SH2D4A: variants seen among roughly 807,000 people sequenced by gnomAD.
SH2D4A encodes SH2 domain containing 4A.
A neutral mutation model predicts 64.7 loss-of-function variants in SH2D4A; 70 were observed. The ratio of observed to expected loss-of-function variants is 1.08; its 90% CI spans 0.89 to 1.32. The LOEUF (loss-of-function observed/expected upper bound fraction) is 1.32, where lower values mean the gene tolerates loss of function less well. Among genes scored for constraint, SH2D4A ranks in the 40% most tolerant of loss-of-function variants. SH2D4A has a pLI of 0.00. For synonymous variants in SH2D4A, 268 were observed against 200.7 expected (o/e 1.34, Z -2.83); for missense variants, 706 against 540.1 (o/e 1.31, Z -3.04).
At chr8:19,380,080 G>T (rs532349481) in intron 8 of SH2D4A, among the ~76,000 whole-genome samples, 1 of 152,236 alleles carries the variant, frequency 6.6e-6, no homozygotes, top group East Asian at 1.9e-4. Flanking sequence ...CCTAGTGGGT[G>T]TGAGGTCATA....
At chr8:19,354,923 C>A (rs1026758789) in intron 4 of SH2D4A, among the ~76,000 whole-genome samples, 2 of 152,172 alleles carry the variant, frequency 1.3e-5, no homozygotes, top group Non-Finnish European at 2.9e-5. Context: ...GTGCTGCGGA[C>A]AAAACCTTGG....
intron 2 of SH2D4A, among the ~76,000 whole-genome samples, chr8:19,324,688 C>T (rs1304788001): frequency 6.6e-6 from 1 of 152,150 alleles, no homozygotes; most frequent in African/African-American, 2.4e-5. Context: ...CCAGGGGGTG[C>T]CTCACACTGC....
At chr8:19,392,589 T>A (rs2053509924) in intron 8 of SH2D4A, among the ~76,000 whole-genome samples, 1 of 152,132 alleles carries the variant, frequency 6.6e-6, no homozygotes, top group South Asian at 2.1e-4. Flanking sequence ...GTTGGTAAAC[T>A]GAGGTAGCCT....
chr8:19,353,213 C>A (rs1333285594), intron 4 of SH2D4A, among the ~76,000 whole-genome samples: 2 of 152,012 alleles, frequency 1.3e-5, no homozygotes, highest in East Asian at 3.9e-4. Context: ...TGGGTCATAG[C>A]AGCATATGGA....
chr8:19,339,464 T>C (rs1205606190), intron 4 of SH2D4A, among the ~76,000 whole-genome samples: 2 of 151,936 alleles, frequency 1.3e-5, no homozygotes, highest in Non-Finnish European at 2.9e-5. Flanking sequence ...AGATATTTAG[T>C]TAGCTCACTT....
intron 8 of SH2D4A, among the ~76,000 whole-genome samples, chr8:19,374,564 A>C (rs2153650205): frequency 6.6e-6 from 1 of 152,340 alleles, no homozygotes; most frequent in South Asian, 2.1e-4. Context: ...TCCCAAACAC[A>C]TATCATGGGA....
At position 19,326,202 on chromosome 8, in the gene SH2D4A, T is replaced by C. The variant is rs140228189; in HGVS notation, c.181+6474T>C. 8.3e-4 allele frequency among the ~76,000 whole-genome samples: 126 copies of C among 152,350 alleles called. 3 individuals carry two copies. Among genetic ancestry groups the C allele is most frequent in the African/African-American group, 2.8e-3 (118 of 41,594 alleles). The stretch of plus-strand genomic sequence containing the variant: ...TTATTTAACTTCCTTGAGCCTCAAC[T>C]TCCTCATTGCAAAATAGGTGAGTAA... On this transcript the variant is annotated intron_variant, in intron 2 of 9. Transcript: ENST00000265807.
chr8:19,351,105 C>T (rs2052697206), intron 4 of SH2D4A, among the ~76,000 whole-genome samples: 3 of 152,222 alleles, frequency 2.0e-5, no homozygotes, highest in Non-Finnish European at 2.9e-5. Flanking sequence ...TATTCTGCCT[C>T]TCCTGTTATT....
At chr8:19,317,600 T>C (rs1211137090) in intron 1 of SH2D4A, among the ~76,000 whole-genome samples, 1 of 152,154 alleles carries the variant, frequency 6.6e-6, no homozygotes, top group Non-Finnish European at 1.5e-5. Flanking sequence ...TTGAGCGTGC[T>C]TGTCTCAAAA....
At chr8:19,362,402 A>C (rs1313684466) in intron 6 of SH2D4A, among the ~76,000 whole-genome samples, 1 of 152,208 alleles carries the variant, frequency 6.6e-6, no homozygotes, top group Non-Finnish European at 1.5e-5. Flanking sequence ...CTGTTTTACA[A>C]AGTAGTCATG....
At chr8:19,389,741 C>T (rs953178526) in intron 8 of SH2D4A, among the ~76,000 whole-genome samples, 1 of 152,168 alleles carries the variant, frequency 6.6e-6, no homozygotes, top group Non-Finnish European at 1.5e-5. Context: ...ATGGCGAAAC[C>T]CCATCTCTAT....
chr8:19,367,893 T>C (rs1466973388), intron 7 of SH2D4A, among the ~76,000 whole-genome samples: 1 of 152,130 alleles, frequency 6.6e-6, no homozygotes, highest in Non-Finnish European at 1.5e-5. Flanking sequence ...CTGAGCAACA[T>C]AGGGAGACAG....
At chr8:19,328,735 T>C (rs1045293946) in intron 2 of SH2D4A, among the ~76,000 whole-genome samples, 1 of 152,218 alleles carries the variant, frequency 6.6e-6, no homozygotes, top group African/African-American at 2.4e-5. Flanking sequence ...GCATTCTTCA[T>C]TGGCCACTCA....
chr8:19,374,655 C>A (rs2053163466), intron 8 of SH2D4A, among the ~76,000 whole-genome samples: 1 of 152,208 alleles, frequency 6.6e-6, no homozygotes, highest in African/African-American at 2.4e-5. Context: ...CACAGAAGAA[C>A]TGTCTGGCGT....
intron 8 of SH2D4A, among the ~76,000 whole-genome samples, chr8:19,373,965 G>A (rs1409367181): frequency 6.6e-6 from 1 of 152,184 alleles, no homozygotes; most frequent in Non-Finnish European, 1.5e-5. Flanking sequence ...GTGCTTGTTT[G>A]TGACTTCCAT....
Position 19,357,343 on chromosome 8 carries a change from T to A in SH2D4A, c.594+60T>A, listed in dbSNP as rs1054547334. 1.8e-5 allele frequency: 21 copies of A among 1,180,774 alleles called. No individual in the cohort carries two copies. In the African/African-American group the frequency reaches 2.9e-4, roughly 16 times the overall value. The allele number at this position is 1,180,774 out of a possible 1,614,324, so 73.1% of individuals were successfully genotyped here. A position where few individuals can be genotyped will look rare whatever the true frequency, so the allele number is the denominator to read the frequency against. On this transcript the variant is annotated intron_variant, in intron 5 of 9. Coordinates refer to ENST00000265807, the MANE Select transcript of SH2D4A (RefSeq NM_022071.4). Reference sequence around the variant, plus strand: ...ATACCTAGGCATTTCCACTAATGTTTCACAGATTAGTTAATTAATCTCATG... The same window carrying A: ...ATACCTAGGCATTTCCACTAATGTTACACAGATTAGTTAATTAATCTCATG...
At chr8:19,335,139 T>G (rs1329452466) in intron 4 of SH2D4A, among the ~76,000 whole-genome samples, 1 of 151,164 alleles carries the variant, frequency 6.6e-6, no homozygotes, top group Non-Finnish European at 1.5e-5. Context: ...AAAAAAAAAA[T>G]TAGCTGGGCG....
At chr8:19,332,878 T>C in intron 2 of SH2D4A, 77 bp from the exon 3 acceptor site, 1 of 1,438,196 alleles carries the variant, frequency 7.0e-7, no homozygotes, top group Non-Finnish European at 9.5e-7. Flanking sequence ...CCCAAAATAC[T>C]TTAGTGATGG....
chr8:19,372,785 T>C (rs2053124856), intron 7 of SH2D4A, among the ~76,000 whole-genome samples: 1 of 152,216 alleles, frequency 6.6e-6, no homozygotes, highest in Non-Finnish European at 1.5e-5. Flanking sequence ...TTCTGCTGCC[T>C]GTATCTTTGT....
Sources: gnomAD v4.1 joint callset for allele counts (sites outside exome capture counted in the v4.1 genomes callset) on GRCh38, gnomAD v4.1.1 for gene constraint, MANE v1.5 for transcripts, NCBI Gene and HGNC (gene_info 2026-07-23, HGNC 2026-07-21) for gene names.